GLIS3: variants seen among roughly 807,000 people sequenced by gnomAD.
GLIS3 encodes the protein zinc finger protein GLIS3.
A neutral mutation model predicts 78.6 loss-of-function variants in GLIS3; 53 were observed. The ratio of observed to expected loss-of-function variants is 0.67; its 90% CI spans 0.54 to 0.85. The LOEUF (loss-of-function observed/expected upper bound fraction) is 0.85. Ranked by LOEUF, GLIS3 falls within the 40% of genes least tolerant of loss-of-function variation. GLIS3 has a pLI of 0.00. For missense variants in GLIS3, 1,703 were observed against 1,231.1 expected (o/e 1.38, Z -5.74); for synonymous variants, 684 against 509.9 (o/e 1.34, Z -4.60).
chr9:4,173,103 C>T (rs1008971280), intron 2 of GLIS3, among the ~76,000 whole-genome samples: 2 of 152,124 alleles, frequency 1.3e-5, no homozygotes, highest in African/African-American at 4.8e-5. Flanking sequence ...CTAAATCTTT[C>T]TACGTATCAA....
upstream of GLIS3, among the ~76,000 whole-genome samples, chr9:4,351,262 A>T (rs1186476771): frequency 6.6e-6 from 1 of 152,010 alleles, no homozygotes; most frequent in Non-Finnish European, 1.5e-5. Context: ...AAACAAACAA[A>T]CAATTAACTG....
chr9:4,208,393 A>G (rs1451483146), intron 2 of GLIS3, among the ~76,000 whole-genome samples: 3 of 152,234 alleles, frequency 2.0e-5, no homozygotes, highest in Non-Finnish European at 4.4e-5. Context: ...CCTGACGTCA[A>G]TGGCAAGGGG....
chr9:4,484,239 A>ATTTT, the GLIS3 span, among the ~76,000 whole-genome samples: 1 of 127,172 alleles, frequency 7.9e-6, no homozygotes, highest in Admixed American at 7.7e-5. Flanking sequence ...TTTTTTTTTT[A>ATTTT]TTTTTTTTAT....
At chr9:4,108,023 G>A (rs1343132671) in intron 4 of GLIS3, among the ~76,000 whole-genome samples, 1 of 152,062 alleles carries the variant, frequency 6.6e-6, no homozygotes, top group Non-Finnish European at 1.5e-5. Flanking sequence ...GCTATGGTTA[G>A]GACTCAAAGG....
intron 4 of GLIS3, among the ~76,000 whole-genome samples, chr9:3,957,805 A>G (rs147125618): frequency 1.1e-4 from 17 of 152,180 alleles, no homozygotes; most frequent in Non-Finnish European, 1.8e-4. Context: ...AAGCATTTAT[A>G]TCATCTGCTC....
chr9:4,325,642 T>C lies in GLIS3; in HGVS notation n.265-15114A>G, dbSNP rs1054209818. 3.3e-5 allele frequency among the ~76,000 whole-genome samples: 5 copies of C among 152,208 alleles called. No homozygotes were observed. In the South Asian group the frequency reaches 6.2e-4, roughly 19 times the overall value. On this transcript the variant is annotated intron_variant and non_coding_transcript_variant, in intron 2 of 4. Coordinates refer to the GLIS3 transcript ENST00000471664. ...TCATTAGCACTGGAACCAGACAAGATACACTTAGGATTCACTTCCACCTAG... is the reference window on the plus strand; with the variant it reads ...TCATTAGCACTGGAACCAGACAAGACACACTTAGGATTCACTTCCACCTAG...
At chr9:4,190,891 A>G in intron 2 of GLIS3, among the ~76,000 whole-genome samples, 1 of 152,242 alleles carries the variant, frequency 6.6e-6, no homozygotes, top group East Asian at 1.9e-4. Context: ...ACATTCTTAA[A>G]GAAAAGAATT....
chr9:4,270,238 T>C (rs934409089), intron 2 of GLIS3, among the ~76,000 whole-genome samples: 2 of 152,264 alleles, frequency 1.3e-5, no homozygotes, highest in African/African-American at 4.8e-5. Flanking sequence ...AATTACTTCC[T>C]GCCTTCCTGC....
the GLIS3 span, among the ~76,000 whole-genome samples, chr9:4,467,008 C>G: frequency 2.3e-3 from 347 of 152,340 alleles, no homozygotes; most frequent in Non-Finnish European, 3.6e-3. Context: ...TCGGCGGGTC[C>G]CATGCCCACG....
At chr9:3,994,383 G>C (rs1436972677) in intron 4 of GLIS3, among the ~76,000 whole-genome samples, 1 of 152,142 alleles carries the variant, frequency 6.6e-6, no homozygotes, top group Non-Finnish European at 1.5e-5. Context: ...TGGCAAGAGA[G>C]GCTGCAGTTT....
chr9:4,055,819 A>G (rs566456910), intron 4 of GLIS3, among the ~76,000 whole-genome samples: 7 of 152,340 alleles, frequency 4.6e-5, no homozygotes, highest in African/African-American at 1.7e-4. Context: ...GAGCCCTACC[A>G]ATGGTCTGGC....
the GLIS3 span, among the ~76,000 whole-genome samples, chr9:4,413,874 C>G: frequency 6.6e-6 from 1 of 152,120 alleles, no homozygotes. Flanking sequence ...TTGGATTTTG[C>G]TAAATGAGGT....
intron 4 of GLIS3, among the ~76,000 whole-genome samples, chr9:3,944,874 T>A (rs923342020): frequency 6.6e-6 from 1 of 152,228 alleles, no homozygotes; most frequent in Non-Finnish European, 1.5e-5. Context: ...TGCTGAGGGC[T>A]TTCATACTGT....
chr9:4,051,888 A>C (rs1249315807), intron 4 of GLIS3, among the ~76,000 whole-genome samples: 1 of 152,184 alleles, frequency 6.6e-6, no homozygotes, highest in Non-Finnish European at 1.5e-5. Context: ...GGAACAGTGG[A>C]AGGTACTAAC....
chr9:3,888,146 CG>C (rs1488177105), intron 7 of GLIS3, among the ~76,000 whole-genome samples: 7 of 152,036 alleles, frequency 4.6e-5, no homozygotes, highest in Admixed American at 4.6e-4. Context: ...AGGAGAAAGA[CG>C]GGGTAGACGT....
At chr9:4,358,033 A>G in the GLIS3 span, among the ~76,000 whole-genome samples, 1 of 152,260 alleles carries the variant, frequency 6.6e-6, no homozygotes, top group Non-Finnish European at 1.5e-5. Context: ...GTATGATCTA[A>G]TAAGAACAGA....
At chr9:3,860,055 C>T (rs1020089254) in intron 8 of GLIS3, among the ~76,000 whole-genome samples, 16 of 152,022 alleles carry the variant, frequency 1.1e-4, no homozygotes, top group African/African-American at 3.6e-4. Context: ...GCGGGTGGAT[C>T]ACGACGTCAG....
In GLIS3 at chr9:3,827,888, A is replaced by G. The variant is rs920765888; in HGVS notation, c.*384T>C. On this transcript the variant is annotated 3_prime_UTR_variant, in exon 11 of 11. Transcript: ENST00000381971. ...CAGGTCACTATGCCTCTCGTAATTG[A>G]GGTCTTTTTCCCTGTTTGGAGTTTT... The G allele has an allele frequency of 9.6e-6, 3 of 313,924 alleles. No individual in the cohort carries two copies. Among genetic ancestry groups the G allele is most frequent in the Non-Finnish European group, 1.9e-5 (3 of 161,122 alleles). The allele number at this position is 313,924 out of a possible 1,614,324, so 19.4% of individuals were successfully genotyped here.
At chr9:4,245,639 G>A (rs117152137) in intron 2 of GLIS3, among the ~76,000 whole-genome samples, 2,427 of 152,286 alleles carry the variant, frequency 0.016, 54 homozygotes, top group Admixed American at 0.049. Context: ...CCAATGGCAC[G>A]GAGAAAGGAT....
Sources: gnomAD v4.1 joint callset for allele counts (sites outside exome capture counted in the v4.1 genomes callset) on GRCh38, gnomAD v4.1.1 for gene constraint, MANE v1.5 for transcripts, NCBI Gene and HGNC (gene_info 2026-07-23, HGNC 2026-07-21) for gene names.